PPARGC1B: variants seen among roughly 807,000 people sequenced by gnomAD.
PPARGC1B encodes the protein peroxisome proliferator-activated receptor gamma coactivator 1-beta.
A neutral mutation model predicts 101.6 loss-of-function variants in PPARGC1B; 34 were observed. That is an observed-to-expected ratio of 0.33 (90% CI 0.25 to 0.45). The LOEUF is 0.45. PPARGC1B is among the 20% of genes least tolerant of loss of function. PPARGC1B has a pLI of 1.00. For synonymous variants in PPARGC1B, 548 were observed against 539.3 expected, an observed-to-expected ratio of 1.02 and a Z score of -0.22; for missense variants, 1,234 against 1,317.6, an observed-to-expected ratio of 0.94 and a Z score of 0.98.
chr5:149,834,704 C>A lies in PPARGC1B; in HGVS notation c.1736C>A (p.Ser579Ter). ...DSPRCLMLAL[S>*]QSDPTFGKKS... is the part of the protein sequence containing the mutation. ...CCCAGGTGCCTCATGCTGGCCTTGTCACAAAGGTAGATTTTTAGAAATTAT... is the reference window on the plus strand; with the variant it reads ...CCCAGGTGCCTCATGCTGGCCTTGTAACAAAGGTAGATTTTTAGAAATTAT... The change falls in exon 6 of 12, where the codon TCA becomes TAA. Residue 579 changes from serine to a stop codon, truncating the protein, a stop_gained. Coordinates refer to ENST00000309241, the MANE Select transcript of PPARGC1B (RefSeq NM_133263.4). LOFTEE classifies it high-confidence loss of function. 1 of 1,613,028 alleles carries A rather than the reference C, an allele frequency of 6.2e-7. No individual in the cohort carries two copies. Among genetic ancestry groups the A allele is most frequent in the Non-Finnish European group, 8.5e-7 (1 of 1,179,038 alleles).
In PPARGC1B at chr5:149,853,659, T is replaced by A. The variant is rs1475203360; in HGVS notation, c.*6101T>A. Reference sequence around the variant, plus strand: ...ATAGTTTTTTTTGTTCAATTTTTTGTTTCTGTATTTTGTATTTTTAAAATC... The same window carrying A: ...ATAGTTTTTTTTGTTCAATTTTTTGATTCTGTATTTTGTATTTTTAAAATC... On this transcript the variant is annotated 3_prime_UTR_variant, in exon 12 of 12. Transcript: ENST00000309241. The surrounding 1 kb of genome is among the most constrained non-coding windows in gnomAD (Gnocchi z 4.2). 1 of 152,224 alleles carries A rather than the reference T, an allele frequency of 6.6e-6. No individual in the cohort carries two copies. 9.4% of individuals were successfully genotyped at this position (152,224 alleles called of 1,614,324 possible). A position where few individuals can be genotyped will look rare whatever the true frequency, so the allele number is the denominator to read the frequency against.
At chr5:149,807,802 A>T (rs544887940) in intron 1 of PPARGC1B, among the ~76,000 whole-genome samples, 6 of 152,112 alleles carry the variant, frequency 3.9e-5, no homozygotes, top group Non-Finnish European at 4.4e-5. Flanking sequence ...CATTGCAGAG[A>T]TGTTGAAACT....
rs1319881820 is a variant in PPARGC1B, at chr5:149,813,364, G to A, written c.79-7069G>A. On this transcript the variant is annotated intron_variant, in intron 1 of 11. Coordinates refer to ENST00000309241, the MANE Select transcript of PPARGC1B (RefSeq NM_133263.4). Reference sequence around the variant, plus strand: ...GCAGTCACAGGAGGTCAGTGCAGCCGGGTGGAGCCCAGACTCCCCACCATC... The same window carrying A: ...GCAGTCACAGGAGGTCAGTGCAGCCAGGTGGAGCCCAGACTCCCCACCATC... 2.0e-5 allele frequency among the ~76,000 whole-genome samples: 3 copies of A among 152,196 alleles called. No homozygotes were observed. In the East Asian group the frequency reaches 5.8e-4, roughly 29 times the overall value.
At chr5:149,751,301 A>G (rs1407242118) in intron 1 of PPARGC1B, among the ~76,000 whole-genome samples, 2 of 152,264 alleles carry the variant, frequency 1.3e-5, no homozygotes, top group Admixed American at 6.5e-5. Flanking sequence ...TACCTTTTCT[A>G]TGGTGCTGAT....
At chr5:149,763,493 G>T (rs2113160768) in intron 1 of PPARGC1B, among the ~76,000 whole-genome samples, 1 of 149,540 alleles carries the variant, frequency 6.7e-6, no homozygotes, top group East Asian at 2.0e-4. Context: ...GAGCATGACA[G>T]CTAGAAGGGC....
intron 1 of PPARGC1B, among the ~76,000 whole-genome samples, chr5:149,765,221 G>T (rs1755865363): frequency 6.6e-6 from 1 of 152,244 alleles, no homozygotes; most frequent in South Asian, 2.1e-4. Flanking sequence ...GAATATGCCT[G>T]GGCATGTAAG....
chr5:149,781,698 G>T (rs1020565881), intron 1 of PPARGC1B, among the ~76,000 whole-genome samples: 1 of 152,198 alleles, frequency 6.6e-6, no homozygotes, highest in African/African-American at 2.4e-5. Flanking sequence ...AGTCTTGGGA[G>T]CAACAGAATG....
At chr5:149,789,449 C>G (rs1283587377) in intron 1 of PPARGC1B, among the ~76,000 whole-genome samples, 1 of 152,156 alleles carries the variant, frequency 6.6e-6, no homozygotes, top group Non-Finnish European at 1.5e-5. Flanking sequence ...TACTGTGAAC[C>G]AAGCAGAGTT....
chr5:149,759,052 A>C (rs1252455754), intron 1 of PPARGC1B, among the ~76,000 whole-genome samples: 2 of 152,208 alleles, frequency 1.3e-5, no homozygotes, highest in African/African-American at 4.8e-5. Context: ...AATTATTTAA[A>C]AGTGACTATT....
At chr5:149,842,457 G>A in intron 10 of PPARGC1B, 80 bp downstream of exon 10, 7 of 1,560,794 alleles carry the variant, frequency 4.5e-6, no homozygotes, top group Non-Finnish European at 6.1e-6. Context: ...ACCAGAAGAT[G>A]CCCAAGATTT....
intron 1 of PPARGC1B, among the ~76,000 whole-genome samples, chr5:149,796,790 TAGGAGAGACTGA>T (rs1186893864): frequency 6.6e-6 from 1 of 152,164 alleles, no homozygotes; most frequent in Non-Finnish European, 1.5e-5. Context: ...TTTACTGACC[TAGGAGAGACTGA>T]AGGAGAAACT....
Position 149,771,237 on chromosome 5 carries a change from G to A in PPARGC1B, c.78+40817G>A, listed in dbSNP as rs376056590. Among the ~76,000 whole-genome samples the A allele has an allele frequency of 5.9e-5, 9 of 152,342 alleles. No homozygotes were observed. In the East Asian group the frequency reaches 1.7e-3, roughly 29 times the overall value. ...CAGCCACTGCCTGGTCACACCTTGG[G>A]TCTAGGAATGTGTAACCCCCACTGC... is the stretch of plus-strand genomic sequence containing the variant. On this transcript the variant is annotated intron_variant, in intron 1 of 11. Coordinates refer to ENST00000309241, the MANE Select transcript of PPARGC1B (RefSeq NM_133263.4).
At chr5:149,824,123 A>G (rs1758411611) in intron 2 of PPARGC1B, among the ~76,000 whole-genome samples, 1 of 152,246 alleles carries the variant, frequency 6.6e-6, no homozygotes, top group African/African-American at 2.4e-5. Flanking sequence ...TTAGCAATAC[A>G]GGGGAGCAGT....
intron 1 of PPARGC1B, among the ~76,000 whole-genome samples, chr5:149,812,293 T>C (rs1757894062): frequency 6.6e-6 from 1 of 152,324 alleles, no homozygotes; most frequent in East Asian, 1.9e-4. Flanking sequence ...AGTTTAACTT[T>C]GTGTTTGTGG....
Position 149,832,695 on chromosome 5 carries a change from T to A in PPARGC1B, c.622T>A (p.Ser208Thr), listed in dbSNP as rs1270887245. 26 of 1,562,938 alleles carry A rather than the reference T, an allele frequency of 1.7e-5. No individual in the cohort carries two copies. The highest frequency in any genetic ancestry group is 2.1e-5 in the Non-Finnish European group (24 of 1,151,140). Reference protein sequence around the residue: ...TQDKKAPMMQSQSRSCTELHK... With the variant: ...TQDKKAPMMQTQSRSCTELHK... Reference sequence around the variant, plus strand: ...AGACAAGAAGGCTCCCATGATGCAGTCTCAGAGCCGAAGTTGTACAGAACT... The same window carrying A: ...AGACAAGAAGGCTCCCATGATGCAGACTCAGAGCCGAAGTTGTACAGAACT... Residue 208 changes from serine to threonine, a missense_variant, in exon 5 of 12, where the codon TCT becomes ACT. Coordinates refer to ENST00000309241, the MANE Select transcript of PPARGC1B (RefSeq NM_133263.4). This position sits in a 1 kb window ranked among gnomAD's most constrained non-coding sequence, Gnocchi z 4.9.
intron 1 of PPARGC1B, among the ~76,000 whole-genome samples, chr5:149,753,479 A>C (rs868835586): frequency 1.3e-5 from 2 of 152,020 alleles, no homozygotes; most frequent in African/African-American, 4.8e-5. Context: ...AAATGCTGGG[A>C]TTACTAAAGG....
chr5:149,762,105 CAG>C (rs1405207380), intron 1 of PPARGC1B, among the ~76,000 whole-genome samples: 2 of 150,994 alleles, frequency 1.3e-5, no homozygotes, highest in African/African-American at 4.9e-5. Context: ...AGTGCAAGGG[CAG>C]TGACAAGCAG....
chr5:149,801,750 A>T (rs903748704), intron 1 of PPARGC1B, among the ~76,000 whole-genome samples: 4 of 151,916 alleles, frequency 2.6e-5, no homozygotes, highest in South Asian at 2.1e-4. Context: ...TTGACGTGTG[A>T]GTTGGTGGTG....
In PPARGC1B at chr5:149,837,199, G is replaced by A; in HGVS notation, c.2618+126G>A. The A allele has an allele frequency of 1.4e-6, 2 of 1,414,934 alleles. No individual in the cohort carries two copies. Among genetic ancestry groups the A allele is most frequent in the African/African-American group, 1.4e-5 (1 of 69,956 alleles). The allele number at this position is 1,414,934 out of a possible 1,614,324, so 87.6% of individuals were successfully genotyped here. On this transcript the variant is annotated intron_variant, in intron 8 of 11. Coordinates refer to ENST00000309241, the MANE Select transcript of PPARGC1B (RefSeq NM_133263.4). This position sits in a 1 kb window ranked among gnomAD's most constrained non-coding sequence, Gnocchi z 4.2. ...TGAAACTGAGGCTGCATCTCCCAGT[G>A]TGGCCCATGTCTTGGTCAGGAGCCT... is the stretch of plus-strand genomic sequence containing the variant.
Sources: allele counts gnomAD v4.1 joint callset (sites outside exome capture counted in the v4.1 genomes callset), GRCh38; gene constraint gnomAD v4.1.1; non-coding constraint Gnocchi (gnomAD v3.1); transcripts MANE v1.5; gene names NCBI Gene and HGNC (gene_info 2026-07-23, HGNC 2026-07-21).